Variants in OR52N4 observed in about 807,000 individuals in gnomAD.
OR52N4 encodes the protein olfactory receptor family 52 subfamily N member 4.
In OR52N4, 15 loss-of-function variants were observed where a neutral mutation model predicts 15.0. The ratio of observed to expected loss-of-function variants is 1.00; its 90% CI spans 0.67 to 1.54. OR52N4 has a LOEUF of 1.54. Ranked by LOEUF, OR52N4 falls within the 40% of genes most tolerant of loss-of-function variation. The pLI is 0.00. For synonymous variants in OR52N4, 143 were observed against 143.7 expected (o/e 1.00, Z 0.03); for missense variants, 421 against 394.0 (o/e 1.07, Z -0.58).
At position 5,755,301 on chromosome 11, in the gene OR52N4, CA is replaced by C. The variant is rs775567045; in HGVS notation, c.564del (p.Lys188AsnfsTer15). On this transcript the variant is annotated frameshift_variant, in exon 2 of 2. Coordinates refer to ENST00000641350, the MANE Select transcript of OR52N4 (RefSeq NM_001005175.5). LOFTEE classifies it high-confidence loss of function. Reference sequence around the variant, plus strand: ...CCTACTGTGACCACATGTCTGTAGCCAAATTGTCCTGTGGTAATGTCAAGGT... The same window carrying C: ...CCTACTGTGACCACATGTCTGTAGCCAATTGTCCTGTGGTAATGTCAAGGT... ...HTYCDHMSVA[K>X]LSCGNVKVNA... The C allele has an allele frequency of 6.2e-7, 1 of 1,613,998 alleles. No homozygotes were observed. The highest frequency in any genetic ancestry group is 8.5e-7 in the Non-Finnish European group (1 of 1,179,960).
At chr11:5,737,644 T>A in the OR52N4 span, 13 of 648,118 alleles carry the variant, frequency 2.0e-5, no homozygotes, top group African/African-American at 9.0e-5. Flanking sequence ...ATACAAAAAA[T>A]CACAGTAGCC....
chr11:5,754,778 C>G lies in OR52N4; in HGVS notation c.38C>G (p.Ser13Ter). ...AATAAAACAGACCTAATACCAGCTT[C>G]ATTTATTCTGAATGGAGTCCCAGGA... Reference protein sequence around the residue: ...TLNKTDLIPASFILNGVPGLE... With the variant: ...TLNKTDLIPA Residue 13 changes from serine to a stop codon, truncating the protein, a stop_gained, in exon 2 of 2, where the codon TCA (serine) becomes TGA (stop). Coordinates refer to ENST00000641350, the MANE Select transcript of OR52N4 (RefSeq NM_001005175.5). LOFTEE classifies it high-confidence loss of function. The G allele has an allele frequency of 6.2e-7, 1 of 1,613,402 alleles. No homozygotes were observed.
Position 5,754,907 on chromosome 11 carries a change from C to A in OR52N4, c.167C>A (p.Ala56Asp), listed in dbSNP as rs1238076171. 6.2e-7 allele frequency: 1 copy of A among 1,613,684 alleles called. No individual in the cohort carries two copies. Among genetic ancestry groups the A allele is most frequent in the East Asian group, 2.2e-5 (1 of 44,866 alleles). The part of the protein sequence containing the change: ...GLLYLIHYED[A>D]LHKPMYYFLA... ...CTCTACCTCATTCACTATGAGGATG[C>A]CCTGCACAAACCCATGTACTACTTC... is the stretch of plus-strand genomic sequence containing the variant. Residue 56 changes from alanine (A) to aspartate (D), a missense_variant, in exon 2 of 2, where the codon GCC becomes GAC. Transcript: ENST00000641350.
chr11:5,739,366 T>C, the OR52N4 span, among the ~76,000 whole-genome samples: 1 of 125,166 alleles, frequency 8.0e-6, no homozygotes, highest in African/African-American at 2.9e-5. Flanking sequence ...CTGGGCAACA[T>C]AGTGAGAACC....
the OR52N4 span, chr11:5,736,532 G>A: frequency 3.1e-6 from 5 of 1,613,466 alleles, no homozygotes; most frequent in East Asian, 8.9e-5. Flanking sequence ...TCATATGTCT[G>A]CATCTCTCAA....
chr11:5,746,558 T>A, the OR52N4 span, among the ~76,000 whole-genome samples: 1 of 152,054 alleles, frequency 6.6e-6, no homozygotes, highest in Non-Finnish European at 1.5e-5. Flanking sequence ...TATGCAAAAA[T>A]ACTGAATATT....
chr11:5,737,475 A>G, the OR52N4 span: 1 of 1,610,878 alleles, frequency 6.2e-7, no homozygotes, highest in Non-Finnish European at 8.5e-7. Flanking sequence ...GCCCTTACAA[A>G]AGAAATAAGA....
At chr11:5,730,840 T>C in the OR52N4 span, among the ~76,000 whole-genome samples, 6 of 151,396 alleles carry the variant, frequency 4.0e-5, no homozygotes, top group African/African-American at 1.5e-4. Flanking sequence ...GTGCTCTTCA[T>C]TGCATTAGGA....
At chr11:5,739,240 T>C in the OR52N4 span, among the ~76,000 whole-genome samples, 2 of 126,494 alleles carry the variant, frequency 1.6e-5, no homozygotes, top group Admixed American at 7.6e-5. Context: ...TACAAGAAGA[T>C]AGTGTTCATA....
the OR52N4 span, chr11:5,736,896 T>C: frequency 2.5e-6 from 4 of 1,614,086 alleles, no homozygotes; most frequent in Non-Finnish European, 3.4e-6. Context: ...CTACTCTGCA[T>C]GGCTTTTGAT....
chr11:5,733,497 T>C, the OR52N4 span, among the ~76,000 whole-genome samples: 1 of 152,162 alleles, frequency 6.6e-6, no homozygotes. Flanking sequence ...GAACAAACAT[T>C]TTTTCAGGAT....
chr11:5,733,373 C>G, the OR52N4 span, among the ~76,000 whole-genome samples: 7 of 152,106 alleles, frequency 4.6e-5, no homozygotes, highest in Non-Finnish European at 8.8e-5. Context: ...GTTACCTTGA[C>G]TATGCCTTGA....
In OR52N4 at chr11:5,755,823, A is replaced by G. The variant is rs10742783; in HGVS notation, c.*117A>G. On this transcript the variant is annotated 3_prime_UTR_variant, in exon 2 of 2. Transcript: ENST00000641350. ...TATTGATCACAAAATGGAGTTTGTTAACTGGTGCATTCTCAATAAGTACCT... is the reference window on the plus strand; with the variant it reads ...TATTGATCACAAAATGGAGTTTGTTGACTGGTGCATTCTCAATAAGTACCT... 1,210,240 of 1,268,652 alleles carry G rather than the reference A, an allele frequency of 0.95. 578,245 individuals are homozygous for G. The highest frequency in any genetic ancestry group is 0.98 in the Middle Eastern group (4,370 of 4,442). 78.6% of individuals were successfully genotyped at this position (1,268,652 alleles called of 1,614,324 possible).
the OR52N4 span, among the ~76,000 whole-genome samples, chr11:5,730,247 A>G: frequency 7.2e-6 from 1 of 137,936 alleles, no homozygotes. Context: ...GATGGAGTGC[A>G]GTGGCACAAT....
chr11:5,745,473 T>C, the OR52N4 span, among the ~76,000 whole-genome samples: 1 of 152,056 alleles, frequency 6.6e-6, no homozygotes, highest in Non-Finnish European at 1.5e-5. Context: ...ATACAATACC[T>C]AGGAATACAT....
At chr11:5,752,253 T>C (rs1368187851), upstream of OR52N4, among the ~76,000 whole-genome samples, 1 of 152,194 alleles carries the variant, frequency 6.6e-6, no homozygotes, top group Non-Finnish European at 1.5e-5. Context: ...TTGTAATGAC[T>C]TGAGTACATA....
chr11:5,753,781 T>G (rs1213828036), upstream of OR52N4, among the ~76,000 whole-genome samples: 2 of 150,628 alleles, frequency 1.3e-5, no homozygotes, highest in African/African-American at 2.4e-5. Context: ...TTACCTGAGG[T>G]CAGGAGTTGG....
At chr11:5,754,019 CAGTAA>C (rs1422577083), upstream of OR52N4, among the ~76,000 whole-genome samples, 6 of 144,470 alleles carry the variant, frequency 4.2e-5, no homozygotes, top group African/African-American at 1.0e-4. Context: ...AAAAAAATCC[CAGTAA>C]AGTAAATAGG....
chr11:5,739,703 C>T, the OR52N4 span, among the ~76,000 whole-genome samples: 31 of 128,268 alleles, frequency 2.4e-4, 9 homozygotes, highest in African/African-American at 7.8e-4. Flanking sequence ...ACCTTTCACA[C>T]GTCCCTTCAA....
Sources: gnomAD v4.1 joint callset for allele counts (sites outside exome capture counted in the v4.1 genomes callset) on GRCh38, gnomAD v4.1.1 for gene constraint, MANE v1.5 for transcripts, NCBI Gene and HGNC (gene_info 2026-07-23, HGNC 2026-07-21) for gene names.